SLC10A2: variants seen among roughly 807,000 people sequenced by gnomAD.
SLC10A2 encodes solute carrier family 10 member 2.
Under a neutral mutation model 27.1 loss-of-function variants are expected in SLC10A2, and 34 were observed. That is an observed-to-expected ratio of 1.26 (90% CI 0.96 to 1.67). The LOEUF (loss-of-function observed/expected upper bound fraction) is 1.67. Ranked by LOEUF, SLC10A2 falls within the 40% of genes most tolerant of loss-of-function variation. The probability of loss-of-function intolerance (pLI) is 0.00; values close to 1 mark genes in which losing one functional copy is unlikely to be tolerated. For missense variants in SLC10A2, 530 were observed against 444.4 expected (o/e 1.19, Z -1.73); for synonymous variants, 205 against 174.0 (o/e 1.18, Z -1.40).
chr13:103,060,807 C>A lies in SLC10A2; in HGVS notation c.378-2425G>T, dbSNP rs961968358. 5.2e-4 allele frequency among the ~76,000 whole-genome samples: 79 copies of A among 152,002 alleles called. 4 individuals carry two copies. The highest frequency in any genetic ancestry group is 1.2e-4 in the Non-Finnish European group (8 of 68,002). ...CTCAACAGGTCGTCATTGAGGTTGT[C>A]AAGAGTAGTAATTTCTTAAGGGTAT... On this transcript the variant is annotated intron_variant, in intron 1 of 5. Transcript: ENST00000245312.
chr13:103,051,516 G>T, intron 3 of SLC10A2, 84 bp from the exon 4 acceptor site: 1 of 1,416,070 alleles, frequency 7.1e-7, no homozygotes, highest in Non-Finnish European at 9.8e-7. Context: ...AACCTCAGCA[G>T]TCTCCTTGTC....
At position 103,045,860 on chromosome 13, in the gene SLC10A2, G is replaced by A. The variant is rs1449370995; in HGVS notation, c.*273C>T. On this transcript the variant is annotated 3_prime_UTR_variant, in exon 6 of 6. Coordinates refer to ENST00000245312, the MANE Select transcript of SLC10A2 (RefSeq NM_000452.3). The stretch of plus-strand genomic sequence containing the variant: ...GTGTTCCCTATGTCAGGTTTAGTCT[G>A]AGAATATTTTGGGGGAATATTTCAA... The A allele has an allele frequency of 3.5e-6, 1 of 282,132 alleles. No individual in the cohort carries two copies. The highest frequency in any genetic ancestry group is 6.7e-6 in the Non-Finnish European group (1 of 148,688). 17.5% of individuals were successfully genotyped at this position (282,132 alleles called of 1,614,324 possible). A position where few individuals can be genotyped will look rare whatever the true frequency, so the allele number is the denominator to read the frequency against.
rs764055456 is a variant in SLC10A2, at chr13:103,065,934, A to T, written c.316T>A (p.Cys106Ser). The change falls in exon 1 of 6, where the codon TGC (cysteine) becomes AGC (serine). Residue 106 changes from cysteine (C) to serine (S), a missense_variant. Transcript: ENST00000245312. Reference protein sequence around the residue: ...QAVVVLIIGCCPGGTASNILA... With the variant: ...QAVVVLIIGCSPGGTASNILA... ...ATATTGGAGGCAGTTCCTCCAGGGC[A>T]GCATCCTATAATGAGCACCACTACG... The T allele has an allele frequency of 1.2e-6, 2 of 1,614,226 alleles. No individual in the cohort carries two copies. Among genetic ancestry groups the T allele is most frequent in the Non-Finnish European group, 8.5e-7 (1 of 1,180,024 alleles).
chr13:103,057,127 G>A (rs1875961130), intron 2 of SLC10A2, among the ~76,000 whole-genome samples: 1 of 152,152 alleles, frequency 6.6e-6, no homozygotes, highest in Admixed American at 6.5e-5. Context: ...CCTTTCTGAG[G>A]CAGCTCATTG....
At chr13:103,047,950 T>A (rs1875659454) in intron 5 of SLC10A2, among the ~76,000 whole-genome samples, 1 of 152,120 alleles carries the variant, frequency 6.6e-6, no homozygotes, top group South Asian at 2.1e-4. Flanking sequence ...AGGCCTGGAC[T>A]CCTGCTTCCT....
chr13:103,049,597 AT>A, intron 4 of SLC10A2, 151 bp from the exon 5 acceptor site: 1 of 726,544 alleles, frequency 1.4e-6, no homozygotes, highest in Non-Finnish European at 2.4e-6. Flanking sequence ...ATAACTTTCT[AT>A]GGAATAAGTG....
chr13:103,049,537 A>G, intron 4 of SLC10A2, 91 bp from the exon 5 acceptor site: 1 of 1,286,610 alleles, frequency 7.8e-7, no homozygotes, highest in South Asian at 1.3e-5. Context: ...ATATATATGC[A>G]TTATGTCTCT....
chr13:103,066,046 A>G lies in SLC10A2; in HGVS notation c.204T>C (p.Ile68=). Reference sequence around the variant, plus strand: ...CAAACTGACAGAGGAAGCCAACACAAATGCCCCACGGCCGCTTTATGTGCC... The same window carrying G: ...CAAACTGACAGAGGAAGCCAACACAGATGCCCCACGGCCGCTTTATGTGCC... ...FLGHIKRPWG[I]CVGFLCQFGI... is the part of the protein sequence containing the mutation. Residue 68 remains isoleucine, a synonymous_variant, in exon 1 of 6, where the codon ATT becomes ATC. Coordinates refer to ENST00000245312, the MANE Select transcript of SLC10A2 (RefSeq NM_000452.3). The G allele has an allele frequency of 1.9e-5, 31 of 1,614,118 alleles. No individual in the cohort carries two copies. The highest frequency in any genetic ancestry group is 2.5e-5 in the Non-Finnish European group (30 of 1,179,990).
rs749205863 is a variant in SLC10A2, at chr13:103,066,127, C to A, written c.123G>T (p.Leu41=). The part of the protein sequence containing the change: ...SVVLSTVLTI[L]LALVMFSMGC... ...CCATGGAGAACATCACCAAGGCCAACAGGATGGTCAGCACCGTACTTAGGA... is the reference window on the plus strand; with the variant it reads ...CCATGGAGAACATCACCAAGGCCAAAAGGATGGTCAGCACCGTACTTAGGA... Residue 41 remains leucine, a synonymous_variant, in exon 1 of 6, where the codon CTG becomes CTT. Transcript: ENST00000245312. 11 of 1,614,078 alleles carry A rather than the reference C, an allele frequency of 6.8e-6. No homozygotes were observed. Among genetic ancestry groups the A allele is most frequent in the Non-Finnish European group, 8.5e-6 (10 of 1,179,962 alleles).
chr13:103,045,025 T>C lies in SLC10A2; in HGVS notation c.*1108A>G, dbSNP rs1190993250. ...CCTGGGACACGTTCTCTGTTTCAAATACTGTTTAATACTCATTTCCTGATC... is the reference window on the plus strand; with the variant it reads ...CCTGGGACACGTTCTCTGTTTCAAACACTGTTTAATACTCATTTCCTGATC... On this transcript the variant is annotated 3_prime_UTR_variant, in exon 6 of 6. Coordinates refer to ENST00000245312, the MANE Select transcript of SLC10A2 (RefSeq NM_000452.3). 2 of 152,224 alleles carry C rather than the reference T, an allele frequency of 1.3e-5. No individual in the cohort carries two copies. Among genetic ancestry groups the C allele is most frequent in the Non-Finnish European group, 2.9e-5 (2 of 68,032 alleles). 9.4% of individuals were successfully genotyped at this position (152,224 alleles called of 1,614,324 possible). A position where few individuals can be genotyped will look rare whatever the true frequency, so the allele number is the denominator to read the frequency against.
chr13:103,053,506 T>A (rs1030834572), intron 2 of SLC10A2, among the ~76,000 whole-genome samples: 5 of 152,226 alleles, frequency 3.3e-5, no homozygotes, highest in African/African-American at 1.2e-4. Context: ...TTAACACTCA[T>A]TTGTCCAATA....
intron 1 of SLC10A2, among the ~76,000 whole-genome samples, chr13:103,060,560 G>A (rs564458055): frequency 2.6e-5 from 4 of 152,016 alleles, no homozygotes; most frequent in African/African-American, 9.7e-5. Flanking sequence ...ATTTTTTGTA[G>A]AGATGGGGTT....
chr13:103,055,762 C>T (rs9557995), intron 2 of SLC10A2, among the ~76,000 whole-genome samples: 3 of 152,120 alleles, frequency 2.0e-5, no homozygotes, highest in African/African-American at 7.2e-5. Context: ...TTACTTTGTG[C>T]TAGTAACTCT....
intron 2 of SLC10A2, among the ~76,000 whole-genome samples, chr13:103,054,825 T>C (rs1875894860): frequency 6.6e-6 from 1 of 152,152 alleles, no homozygotes. Context: ...TGGTCTCCAG[T>C]GGGCTGGTGA....
rs2138917372 is a variant in SLC10A2, at chr13:103,054,416, T to G, written c.497-1708A>C. Among the ~76,000 whole-genome samples the G allele has an allele frequency of 1.3e-5, 2 of 152,304 alleles. 1 individual carries two copies. The highest frequency in any genetic ancestry group is 6.8e-3 in the Middle Eastern group (2 of 294). ...AGATGAATACAAGAAGGAAACTCCC[T>G]CTCCTGGGTCTTTAGACCATTGCCT... On this transcript the variant is annotated intron_variant, in intron 2 of 5. Transcript: ENST00000245312.
rs1875586361 is a variant in SLC10A2 at position 103,045,665 on chromosome 13, G to T, written c.*468C>A. 1 of 153,520 alleles carries T rather than the reference G, an allele frequency of 6.5e-6. No individual in the cohort carries two copies. Among genetic ancestry groups the T allele is most frequent in the African/African-American group, 2.4e-5 (1 of 41,432 alleles). The allele number at this position is 153,520 out of a possible 1,614,324, so 9.5% of individuals were successfully genotyped here. ...AATAATGATTAAAATGTCAGTGAAA[G>T]ATGTTCATGTCAATTTTTATAATCA... On this transcript the variant is annotated 3_prime_UTR_variant, in exon 6 of 6. Transcript: ENST00000245312.
chr13:103,059,049 G>A (rs1022008696), intron 1 of SLC10A2, among the ~76,000 whole-genome samples: 4 of 152,160 alleles, frequency 2.6e-5, no homozygotes, highest in African/African-American at 9.7e-5. Context: ...TTCCGCAATG[G>A]ATGAACTAAT....
rs551355092 is a variant in SLC10A2, at chr13:103,066,207, A to G, written c.43T>C (p.Ser15Pro). 1.2e-5 allele frequency: 20 copies of G among 1,613,868 alleles called. No individual in the cohort carries two copies. The East Asian group carries it at 4.5e-4, about 36-fold the overall frequency. Residue 15 changes from serine to proline, a missense_variant, in exon 1 of 6, where the codon TCT (serine) becomes CCT (proline). Transcript: ENST00000245312. ...TCAGGTACCACACAGGATGCACCAG[A>G]GCAAACTGTTGCATTGTCCACACAG... ...NSCVDNATVC[S>P]GASCVVPESN...
intron 5 of SLC10A2, among the ~76,000 whole-genome samples, chr13:103,047,536 C>T (rs1314792285): frequency 1.4e-5 from 2 of 140,238 alleles, no homozygotes; most frequent in Non-Finnish European, 3.0e-5. Flanking sequence ...CCCTCCCTCC[C>T]TCTCTCCCTC....
Sources: allele counts gnomAD v4.1 joint callset (sites outside exome capture counted in the v4.1 genomes callset), GRCh38; gene constraint gnomAD v4.1.1; transcripts MANE v1.5; gene names NCBI Gene and HGNC (gene_info 2026-07-23, HGNC 2026-07-21).